The following ZNF439 variants were observed in gnomAD, a reference collection of about 807,000 sequenced individuals.
The protein encoded by ZNF439 is zinc finger protein 439.
A neutral mutation model predicts 47.3 loss-of-function variants in ZNF439; 40 were observed. The observed-to-expected ratio is 0.85, with a 90% CI of 0.66 to 1.10. The LOEUF is 1.10. Among genes scored for constraint, ZNF439 ranks in the 50% least tolerant of loss-of-function variants. The pLI, the probability that ZNF439 is intolerant of heterozygous loss-of-function variation, is 0.00. For missense variants in ZNF439, 556 were observed against 601.1 expected, an observed-to-expected ratio of 0.93 and a Z score of 0.78; for synonymous variants, 171 against 198.8, an observed-to-expected ratio of 0.86 and a Z score of 1.18.
Position 11,868,042 on chromosome 19 carries a change from C to T in ZNF439, c.988C>T (p.Leu330Phe), listed in dbSNP as rs879824080. The change falls in exon 4 of 4, where the codon CTT (leucine) becomes TTT (phenylalanine). Residue 330 changes from leucine (L) to phenylalanine (F), a missense_variant. Leu to Phe is a conservative substitution (Grantham distance 22). Coordinates refer to ENST00000682736, the MANE Select transcript of ZNF439 (RefSeq NM_001348719.2). ...RHERTHSRKK[L>F]YECKQCGKAL... ...TGAAAGGACCCACTCTAGGAAAAAA[C>T]TTTATGAATGTAAGCAGTGTGGGAA... is the stretch of plus-strand genomic sequence containing the variant. 16 of 1,614,042 alleles carry T rather than the reference C, an allele frequency of 9.9e-6. No individual in the cohort carries two copies. Among genetic ancestry groups the T allele is most frequent in the Non-Finnish European group, 1.3e-5 (15 of 1,180,034 alleles).
rs757455939 is a variant in ZNF439, at chr19:11,852,245, A to T, written c.63+3315A>T. Among the ~76,000 whole-genome samples the T allele has an allele frequency of 1.5e-4, 23 of 151,946 alleles. 1 individual carries two copies. Among genetic ancestry groups the T allele is most frequent in the Non-Finnish European group, 4.4e-5 (3 of 68,002 alleles). On this transcript the variant is annotated intron_variant, in intron 1 of 3. Coordinates refer to ENST00000682736, the MANE Select transcript of ZNF439 (RefSeq NM_001348719.2). The stretch of plus-strand genomic sequence containing the variant: ...GTTCAAGCCTGGGCAACATAGTGAG[A>T]CCCCCCATCTCAATTGTGAAAAATC...
chr19:11,867,624 C>G lies in ZNF439; in HGVS notation c.570C>G (p.Pro190=). 1.2e-6 allele frequency: 2 copies of G among 1,614,086 alleles called. No homozygotes were observed. Among genetic ancestry groups the G allele is most frequent in the Non-Finnish European group, 1.7e-6 (2 of 1,179,998 alleles). The change falls in exon 4 of 4, where the codon CCC becomes CCG. Residue 190 remains proline (P), a synonymous_variant. Transcript: ENST00000682736. ...AAAGGGATCACACTGGAAAGAAACCCTATGCTTGTAAAGAATGTGGAAAAA... is the reference window on the plus strand; with the variant it reads ...AAAGGGATCACACTGGAAAGAAACCGTATGCTTGTAAAGAATGTGGAAAAA... ...TQERDHTGKK[P]YACKECGKNI...
At position 11,867,998 on chromosome 19, in the gene ZNF439, C is replaced by T. The variant is rs989177237; in HGVS notation, c.944C>T (p.Pro315Leu). 1 of 1,613,870 alleles carries T rather than the reference C, an allele frequency of 6.2e-7. No homozygotes were observed. Among genetic ancestry groups the T allele is most frequent in the Non-Finnish European group, 8.5e-7 (1 of 1,179,984 alleles). Residue 315 changes from proline (P) to leucine (L), a missense_variant, in exon 4 of 4, where the codon CCC becomes CTC. Transcript: ENST00000682736. ...GAATGTGGAAAAGCATTCATGTGTC[C>T]CCGTTATGTTCGTAGACATGAAAGG... is the stretch of plus-strand genomic sequence containing the variant. ...CKECGKAFMC[P>L]RYVRRHERTH...
intron 1 of ZNF439, 181 bp downstream of exon 1, chr19:11,849,111 C>G: frequency 8.6e-7 from 1 of 1,164,400 alleles, no homozygotes; most frequent in Non-Finnish European, 1.1e-6. Context: ...GGCGTCCTGT[C>G]CCGTCCCTGC....
At chr19:11,865,968 T>C (rs1440176386) in intron 1 of ZNF439, 11 of 1,276,618 alleles carry the variant, frequency 8.6e-6, no homozygotes, top group Middle Eastern at 2.9e-4. Flanking sequence ...TGAGCCGAGA[T>C]TGCACCATTG....
intron 1 of ZNF439, among the ~76,000 whole-genome samples, chr19:11,858,499 C>T (rs1442169876): frequency 2.0e-5 from 3 of 150,324 alleles, no homozygotes; most frequent in African/African-American, 7.4e-5. Flanking sequence ...TCTATTGCTA[C>T]AAGAGGCCAG....
chr19:11,867,438 C>T lies in ZNF439; in HGVS notation c.384C>T (p.Ser128=), dbSNP rs530784705. 2 of 1,614,058 alleles carry T rather than the reference C, an allele frequency of 1.2e-6. No homozygotes were observed. The highest frequency in any genetic ancestry group is 2.2e-5 in the East Asian group (1 of 44,868). ...CTCCTGAAGTAAAATCATGTGACAG[C>T]TTTGTGTGTGAAGTTGGCCTAGGTA... The part of the protein sequence containing the change: ...KASPEVKSCD[S]FVCEVGLGNS... The change falls in exon 4 of 4, where the codon AGC becomes AGT. Residue 128 remains serine, a synonymous_variant. Coordinates refer to ENST00000682736, the MANE Select transcript of ZNF439 (RefSeq NM_001348719.2).
Position 11,868,642 on chromosome 19 carries a change from G to T in ZNF439, c.*73G>T. On this transcript the variant is annotated 3_prime_UTR_variant, in exon 4 of 4. Coordinates refer to ENST00000682736, the MANE Select transcript of ZNF439 (RefSeq NM_001348719.2). The stretch of plus-strand genomic sequence containing the variant: ...CACATGAAAAAATTCACACTGGAGA[G>T]AAACCCTATAAATGCAAGCAATGTG... 6.7e-7 allele frequency: 1 copy of T among 1,488,438 alleles called. No individual in the cohort carries two copies. The highest frequency in any genetic ancestry group is 9.2e-7 in the Non-Finnish European group (1 of 1,086,780). The allele number at this position is 1,488,438 out of a possible 1,614,324, so 92.2% of individuals were successfully genotyped here.
At chr19:11,853,791 A>C (rs571938817) in intron 1 of ZNF439, among the ~76,000 whole-genome samples, 1 of 152,308 alleles carries the variant, frequency 6.6e-6, no homozygotes, top group Non-Finnish European at 1.5e-5. Flanking sequence ...TTGGCGGTCC[A>C]TCTGATTTTA....
At chr19:11,856,019 C>A (rs1299955749) in intron 1 of ZNF439, 1 of 152,254 alleles carries the variant, frequency 6.6e-6, no homozygotes, top group African/African-American at 2.4e-5. Context: ...GTGTGTCCAT[C>A]TCCTGTAGAA....
chr19:11,866,644 A>G, intron 3 of ZNF439, 47 bp downstream of exon 3: 3 of 1,560,044 alleles, frequency 1.9e-6, no homozygotes, highest in Non-Finnish European at 2.6e-6. Flanking sequence ...ACACGATCTT[A>G]GAATATGAGA....
chr19:11,862,440 C>T (rs1399845343), intron 1 of ZNF439, among the ~76,000 whole-genome samples: 2 of 151,348 alleles, frequency 1.3e-5, no homozygotes, highest in Non-Finnish European at 2.9e-5. Flanking sequence ...TAAGACTCAC[C>T]TTGTTTGATT....
At chr19:11,853,322 C>T (rs998554387) in intron 1 of ZNF439, among the ~76,000 whole-genome samples, 4 of 152,166 alleles carry the variant, frequency 2.6e-5, no homozygotes, top group Admixed American at 6.5e-5. Context: ...AGGACGAATG[C>T]GGGAATAAAG....
At chr19:11,861,910 G>T (rs1004142294) in intron 1 of ZNF439, among the ~76,000 whole-genome samples, 8 of 152,092 alleles carry the variant, frequency 5.3e-5, no homozygotes, top group African/African-American at 1.9e-4. Context: ...TTGTCTTTTG[G>T]TTGAGGCTCC....
At chr19:11,860,852 G>A (rs922398576) in intron 1 of ZNF439, among the ~76,000 whole-genome samples, 2 of 152,172 alleles carry the variant, frequency 1.3e-5, no homozygotes, top group Non-Finnish European at 2.9e-5. Context: ...TGTCCTCAGT[G>A]TACCTTCTGG....
chr19:11,864,453 C>T (rs763933152), intron 1 of ZNF439, among the ~76,000 whole-genome samples: 3 of 151,924 alleles, frequency 2.0e-5, no homozygotes, highest in Admixed American at 6.6e-5. Context: ...ACTCGCTGCA[C>T]GCCTGGCTAA....
At chr19:11,851,383 TGGGTATTG>T (rs1976235577) in intron 1 of ZNF439, among the ~76,000 whole-genome samples, 1 of 152,200 alleles carries the variant, frequency 6.6e-6, no homozygotes, top group Non-Finnish European at 1.5e-5. Flanking sequence ...GCACATATTA[TGGGTATTG>T]GGGTATTGGG....
Position 11,866,628 on chromosome 19 carries a change from C to T in ZNF439, c.251+31C>T, listed in dbSNP as rs770839238. On this transcript the variant is annotated intron_variant, in intron 3 of 3. Coordinates refer to ENST00000682736, the MANE Select transcript of ZNF439 (RefSeq NM_001348719.2). ...TTGCACTTATAAGAGAAAGCAGTGT[C>T]TCTCTACACGATCTTAGAATATGAG... 4 of 1,595,644 alleles carry T rather than the reference C, an allele frequency of 2.5e-6. No individual in the cohort carries two copies. The African/African-American group carries it at 5.4e-5, about 21-fold the overall frequency.
chr19:11,855,454 C>T (rs1321053534), intron 1 of ZNF439, among the ~76,000 whole-genome samples: 3 of 152,072 alleles, frequency 2.0e-5, no homozygotes, highest in Non-Finnish European at 4.4e-5. Context: ...GTGATTCCAC[C>T]ATGCTTGAGC....
Sources: allele counts gnomAD v4.1 joint callset (sites outside exome capture counted in the v4.1 genomes callset), GRCh38; gene constraint gnomAD v4.1.1; transcripts MANE v1.5; gene names NCBI Gene and HGNC (gene_info 2026-07-23, HGNC 2026-07-21).